Variants in GALNT18 observed in about 807,000 individuals in gnomAD.
The protein encoded by GALNT18 is polypeptide N-acetylgalactosaminyltransferase 18.
Under a neutral mutation model 69.5 loss-of-function variants are expected in GALNT18, and 44 were observed. The ratio of observed to expected loss-of-function variants is 0.63; its 90% CI spans 0.50 to 0.81. The LOEUF (loss-of-function observed/expected upper bound fraction) is 0.81. Ranked by LOEUF, GALNT18 falls within the 40% of genes least tolerant of loss-of-function variation. GALNT18 has a pLI of 0.00. For missense variants in GALNT18, 715 were observed against 810.0 expected (o/e 0.88, Z 1.42); for synonymous variants, 364 against 318.2 (o/e 1.14, Z -1.53).
At chr11:11,285,037 C>T (rs1282451113) in intron 10 of GALNT18, among the ~76,000 whole-genome samples, 1 of 149,808 alleles carries the variant, frequency 6.7e-6, no homozygotes, top group Non-Finnish European at 1.5e-5. Flanking sequence ...GTAACAGGAA[C>T]ATCAAGTGCA....
intron 3 of GALNT18, among the ~76,000 whole-genome samples, chr11:11,409,304 T>C (rs530773739): frequency 6.6e-6 from 1 of 152,174 alleles, no homozygotes; most frequent in East Asian, 1.9e-4. Flanking sequence ...GGGTTCCTAG[T>C]GCGTGAACTC....
At chr11:11,520,861 C>T (rs1419827644) in intron 1 of GALNT18, among the ~76,000 whole-genome samples, 2 of 152,184 alleles carry the variant, frequency 1.3e-5, no homozygotes, top group Non-Finnish European at 2.9e-5. Flanking sequence ...ACCCCATAGG[C>T]AGCTGAGGCT....
intron 6 of GALNT18, among the ~76,000 whole-genome samples, chr11:11,348,546 AC>A (rs1850344110): frequency 6.6e-6 from 1 of 151,914 alleles, no homozygotes. Flanking sequence ...TCACTCCCAC[AC>A]TGGTAACCTT....
intron 6 of GALNT18, among the ~76,000 whole-genome samples, chr11:11,342,608 T>G (rs1354082373): frequency 6.6e-6 from 1 of 152,250 alleles, no homozygotes; most frequent in African/African-American, 2.4e-5. Context: ...CACTTAAGCT[T>G]GTTTTGCCTT....
At chr11:11,428,728 T>C (rs1855194939) in intron 3 of GALNT18, among the ~76,000 whole-genome samples, 2 of 152,182 alleles carry the variant, frequency 1.3e-5, no homozygotes, top group African/African-American at 4.8e-5. Context: ...GATTCTAATA[T>C]GCACTCAGGG....
chr11:11,557,878 A>G (rs769070447), intron 1 of GALNT18, among the ~76,000 whole-genome samples: 1 of 152,230 alleles, frequency 6.6e-6, no homozygotes, highest in Non-Finnish European at 1.5e-5. Flanking sequence ...ACATCCACTG[A>G]GTTGACATTT....
At chr11:11,381,021 A>G (rs1436241753) in intron 3 of GALNT18, among the ~76,000 whole-genome samples, 1 of 152,192 alleles carries the variant, frequency 6.6e-6, no homozygotes, top group African/African-American at 2.4e-5. Context: ...TGCCACTGAC[A>G]TGCTGTATAT....
At chr11:11,361,402 T>A (rs1030843560) in intron 6 of GALNT18, among the ~76,000 whole-genome samples, 4 of 152,202 alleles carry the variant, frequency 2.6e-5, no homozygotes, top group African/African-American at 9.6e-5. Context: ...TACCTACATT[T>A]CAAGGTACTG....
chr11:11,379,755 C>T (rs1292374790), intron 3 of GALNT18, among the ~76,000 whole-genome samples: 1 of 152,232 alleles, frequency 6.6e-6, no homozygotes, highest in Non-Finnish European at 1.5e-5. Context: ...CCAGGATCCG[C>T]TCTCTGCCTG....
chr11:11,422,424 T>C (rs118082690), intron 3 of GALNT18, among the ~76,000 whole-genome samples: 2,790 of 152,340 alleles, frequency 0.018, 43 homozygotes, highest in Non-Finnish European at 0.029. Context: ...GCCAGCCTAG[T>C]TGCACTGGTC....
intron 1 of GALNT18, among the ~76,000 whole-genome samples, chr11:11,450,361 A>G (rs6484920): frequency 0.98 from 149,820 of 152,220 alleles, 73,777 homozygotes; most frequent in Middle Eastern, 1. Context: ...TCCTCATGCG[A>G]TGCTCTCCTA....
chr11:11,342,513 C>T (rs1850226754), intron 6 of GALNT18, among the ~76,000 whole-genome samples: 1 of 152,222 alleles, frequency 6.6e-6, no homozygotes. Flanking sequence ...GGAATGCCTT[C>T]CCTTTCACCC....
intron 1 of GALNT18, among the ~76,000 whole-genome samples, chr11:11,608,311 G>A (rs1246000441): frequency 1.3e-5 from 2 of 152,100 alleles, no homozygotes; most frequent in Non-Finnish European, 2.9e-5. Context: ...TGTTGTCCCC[G>A]GTAGCTCCTA....
intron 6 of GALNT18, among the ~76,000 whole-genome samples, chr11:11,366,805 C>T (rs1850781334): frequency 6.6e-6 from 1 of 152,104 alleles, no homozygotes; most frequent in Non-Finnish European, 1.5e-5. Flanking sequence ...TCTTTCATCC[C>T]TCATGCTCTG....
At chr11:11,297,223 C>T (rs964406012) in intron 9 of GALNT18, among the ~76,000 whole-genome samples, 1 of 152,074 alleles carries the variant, frequency 6.6e-6, no homozygotes, top group Non-Finnish European at 1.5e-5. Context: ...TCAGTAGTGC[C>T]GCTGTTGAGA....
intron 2 of GALNT18, among the ~76,000 whole-genome samples, chr11:11,438,017 A>G (rs1165580798): frequency 6.6e-6 from 1 of 152,134 alleles, no homozygotes; most frequent in Non-Finnish European, 1.5e-5. Flanking sequence ...TGTAGTCAGC[A>G]TACAAGGGTT....
chr11:11,413,199 C>G lies in GALNT18; in HGVS notation c.595+19422G>C, dbSNP rs1156862375. On this transcript the variant is annotated intron_variant, in intron 3 of 10. Transcript: ENST00000227756. This position sits in a 1 kb window ranked among gnomAD's most constrained non-coding sequence, Gnocchi z 4.7. Reference sequence around the variant, plus strand: ...GGGGAACAGCCTCTCCAAGGAGAAGCTAGAGAAGCTGGGACAAGCCCTGCA... The same window carrying G: ...GGGGAACAGCCTCTCCAAGGAGAAGGTAGAGAAGCTGGGACAAGCCCTGCA... 6.6e-6 allele frequency among the ~76,000 whole-genome samples: 1 copy of G among 152,174 alleles called. No homozygotes were observed.
At chr11:11,301,342 G>T (rs1217592706) in intron 9 of GALNT18, among the ~76,000 whole-genome samples, 2 of 152,172 alleles carry the variant, frequency 1.3e-5, no homozygotes, top group Non-Finnish European at 2.9e-5. Context: ...AGAACGAGCT[G>T]CAGGCCTCTC....
chr11:11,598,427 C>T lies in GALNT18; in HGVS notation c.235+22932G>A, dbSNP rs543497904. ...GCTTCTTCCAGCTCCTGGTAGCTGC[C>T]AGCATTCCTTGATTTGTGATTGCAT... On this transcript the variant is annotated intron_variant, in intron 1 of 10. Coordinates refer to ENST00000227756, the MANE Select transcript of GALNT18 (RefSeq NM_198516.3). This position sits in a 1 kb window ranked among gnomAD's most constrained non-coding sequence, Gnocchi z 4.8. Among the ~76,000 whole-genome samples the T allele has an allele frequency of 6.6e-6, 1 of 152,230 alleles. No homozygotes were observed. Among genetic ancestry groups the T allele is most frequent in the African/African-American group, 2.4e-5 (1 of 41,552 alleles).
Sources: gnomAD v4.1 joint callset for allele counts (sites outside exome capture counted in the v4.1 genomes callset) on GRCh38, gnomAD v4.1.1 for gene constraint, Gnocchi (gnomAD v3.1) non-coding constraint, MANE v1.5 for transcripts, NCBI Gene and HGNC (gene_info 2026-07-23, HGNC 2026-07-21) for gene names.